The following SLX4IP variants were observed in gnomAD, a reference collection of about 807,000 sequenced individuals.
The protein encoded by SLX4IP is protein SLX4IP.
In SLX4IP, 34 loss-of-function variants were observed where a neutral mutation model predicts 32.9. That is an observed-to-expected ratio of 1.03 (90% CI 0.79 to 1.38). The LOEUF is 1.38. Among genes scored for constraint, SLX4IP ranks in the 40% most tolerant of loss-of-function variants. The pLI is 0.00. For missense variants in SLX4IP, 444 were observed against 479.0 expected (o/e 0.93, Z 0.68); for synonymous variants, 172 against 171.7 (o/e 1.00, Z -0.01).
rs565345072 is a variant in SLX4IP at position 10,498,986 on chromosome 20, T to C, written c.27+40755T>C. 9.9e-4 allele frequency among the ~76,000 whole-genome samples: 150 copies of C among 152,270 alleles called. 1 individual carries two copies. The highest frequency in any genetic ancestry group is 3.2e-3 in the African/African-American group (134 of 41,564). On this transcript the variant is annotated intron_variant, in intron 2 of 7. Coordinates refer to ENST00000334534, the MANE Select transcript of SLX4IP (RefSeq NM_001009608.3). Reference sequence around the variant, plus strand: ...TCACTGAGGATGATCACAACTAAAATATGTATATTTACATATGCTTTGGAT... The same window carrying C: ...TCACTGAGGATGATCACAACTAAAACATGTATATTTACATATGCTTTGGAT...
rs2067164185 is a variant in SLX4IP, at chr20:10,625,700, T to C, written c.*2321T>C. On this transcript the variant is annotated 3_prime_UTR_variant, in exon 8 of 8. Coordinates refer to ENST00000334534, the MANE Select transcript of SLX4IP (RefSeq NM_001009608.3). ...AGAGAAAAAATAGCACCTTTGGTTG[T>C]AGATAGATGTAGTTTTCCTCACAGC... is the stretch of plus-strand genomic sequence containing the variant. The C allele has an allele frequency of 6.6e-6, 1 of 152,194 alleles. No homozygotes were observed. The highest frequency in any genetic ancestry group is 2.4e-5 in the African/African-American group (1 of 41,440). 9.4% of individuals were successfully genotyped at this position (152,194 alleles called of 1,614,324 possible).
intron 1 of SLX4IP, among the ~76,000 whole-genome samples, chr20:10,438,824 G>A (rs2065137813): frequency 6.6e-6 from 1 of 151,478 alleles, no homozygotes; most frequent in Non-Finnish European, 1.5e-5. Context: ...TTTTTGGGGG[G>A]TACGGGTTAG....
At chr20:10,554,980 C>A (rs1356576397) in intron 2 of SLX4IP, among the ~76,000 whole-genome samples, 1 of 151,886 alleles carries the variant, frequency 6.6e-6, no homozygotes, top group East Asian at 1.9e-4. Context: ...CTATTTTTCT[C>A]AATATTTGGT....
intron 4 of SLX4IP, among the ~76,000 whole-genome samples, chr20:10,563,160 A>G (rs2066351134): frequency 1.3e-5 from 2 of 152,344 alleles, no homozygotes; most frequent in South Asian, 4.1e-4. Flanking sequence ...CCTGATGATT[A>G]ATAACGTTAA....
chr20:10,510,821 G>C (rs1338759594), intron 2 of SLX4IP, among the ~76,000 whole-genome samples: 2 of 152,106 alleles, frequency 1.3e-5, no homozygotes, highest in Non-Finnish European at 2.9e-5. Context: ...CGCCAGGATG[G>C]TCTCGATCTC....
At position 10,437,002 on chromosome 20, in the gene SLX4IP, A is replaced by G. The variant is rs551266031; in HGVS notation, c.-30+1549A>G. Reference sequence around the variant, plus strand: ...ATATTTGTACTTTTAATTTGTTAAAAGTTGAACTCAAAAGTTTGCATGTGG... The same window carrying G: ...ATATTTGTACTTTTAATTTGTTAAAGGTTGAACTCAAAAGTTTGCATGTGG... On this transcript the variant is annotated intron_variant, in intron 1 of 7. Coordinates refer to ENST00000334534, the MANE Select transcript of SLX4IP (RefSeq NM_001009608.3). 1.1e-4 allele frequency among the ~76,000 whole-genome samples: 16 copies of G among 152,100 alleles called. No individual in the cohort carries two copies. In the South Asian group the frequency reaches 1.2e-3, roughly 12 times the overall value.
At chr20:10,621,533 G>T in intron 7 of SLX4IP, 119 bp downstream of exon 7, 1 of 798,650 alleles carries the variant, frequency 1.3e-6, no homozygotes, top group Admixed American at 2.1e-5. Context: ...CCTCCGTCAC[G>T]TACTTACTCT....
rs1005941226 is a variant in SLX4IP, at chr20:10,625,407, A to G, written c.*2028A>G. 3 of 152,230 alleles carry G rather than the reference A, an allele frequency of 2.0e-5. No homozygotes were observed. The highest frequency in any genetic ancestry group is 7.2e-5 in the African/African-American group (3 of 41,462). The allele number at this position is 152,230 out of a possible 1,614,324, so 9.4% of individuals were successfully genotyped here. On this transcript the variant is annotated 3_prime_UTR_variant, in exon 8 of 8. Transcript: ENST00000334534. ...AACAGTAGCCACTGCCTGCTCCAGA[A>G]CTAGGGGGGAGATATTTGAGCTGGA...
chr20:10,536,222 T>C (rs929084218), intron 2 of SLX4IP, among the ~76,000 whole-genome samples: 1 of 152,194 alleles, frequency 6.6e-6, no homozygotes, highest in African/African-American at 2.4e-5. Context: ...GGAGAGAGGA[T>C]AACTTTAAAA....
rs766067547 is a variant in SLX4IP at position 10,556,290 on chromosome 20, T to C, written c.87T>C (p.Asp29=). The C allele has an allele frequency of 6.2e-7, 1 of 1,613,498 alleles. No individual in the cohort carries two copies. ...TCTTGCCACAAGGTTCAAACAAAGA[T>C]ACAAGCTGGTTTTCTGAACAGAAGA... ...LHILPQGSNK[D]TSWFSEQKKE... The change falls in exon 3 of 8, where the codon GAT becomes GAC. Residue 29 remains aspartate (D), a synonymous_variant. Transcript: ENST00000334534.
chr20:10,627,411 A>C lies in SLX4IP; in HGVS notation c.*4032A>C, dbSNP rs866326920. The C allele has an allele frequency of 2.6e-5, 4 of 152,364 alleles. 1 individual carries two copies. In the South Asian group the frequency reaches 8.3e-4, roughly 32 times the overall value. The allele number at this position is 152,364 out of a possible 1,614,324, so 9.4% of individuals were successfully genotyped here. A position where few individuals can be genotyped will look rare whatever the true frequency, so the allele number is the denominator to read the frequency against. On this transcript the variant is annotated 3_prime_UTR_variant, in exon 8 of 8. Coordinates refer to ENST00000334534, the MANE Select transcript of SLX4IP (RefSeq NM_001009608.3). ...AGTACAAAATAAATTAAGCATTGTA[A>C]AACGAAGTTAATTCAGGTAATTACT...
chr20:10,489,209 C>A (rs1012213109), intron 2 of SLX4IP, among the ~76,000 whole-genome samples: 15 of 152,144 alleles, frequency 9.9e-5, no homozygotes, highest in Non-Finnish European at 4.4e-5. Flanking sequence ...TGTATGGGGT[C>A]ATTCTTCTTA....
At chr20:10,464,161 AG>A (rs2065361598) in intron 2 of SLX4IP, among the ~76,000 whole-genome samples, 1 of 152,096 alleles carries the variant, frequency 6.6e-6, no homozygotes, top group African/African-American at 2.4e-5. Context: ...GGGCTGGATG[AG>A]GCAGAAGAGG....
chr20:10,537,411 T>C (rs2066057471), intron 2 of SLX4IP, among the ~76,000 whole-genome samples: 1 of 152,248 alleles, frequency 6.6e-6, no homozygotes, highest in South Asian at 2.1e-4. Flanking sequence ...ATGGAACCCG[T>C]AATGAATACT....
At chr20:10,451,769 A>C (rs1183214062) in intron 1 of SLX4IP, among the ~76,000 whole-genome samples, 9 of 151,246 alleles carry the variant, frequency 6.0e-5, no homozygotes, top group African/African-American at 1.9e-4. Flanking sequence ...GAGTTCGAGA[A>C]CAGCTTGGCC....
intron 1 of SLX4IP, among the ~76,000 whole-genome samples, chr20:10,444,374 G>T (rs2065183706): frequency 6.6e-6 from 1 of 152,084 alleles, no homozygotes; most frequent in Admixed American, 6.6e-5. Context: ...CTGGTGAGGG[G>T]TTTCTTTCTT....
chr20:10,502,893 G>T (rs965333671), intron 2 of SLX4IP, among the ~76,000 whole-genome samples: 3 of 152,076 alleles, frequency 2.0e-5, no homozygotes, highest in African/African-American at 7.2e-5. Flanking sequence ...CATAATAGGT[G>T]CTCAGTAAAT....
intron 1 of SLX4IP, among the ~76,000 whole-genome samples, chr20:10,450,133 A>C (rs1400183719): frequency 6.6e-6 from 1 of 152,212 alleles, no homozygotes; most frequent in Non-Finnish European, 1.5e-5. Flanking sequence ...TCTGTCCTTC[A>C]GGAAAAAAAG....
intron 1 of SLX4IP, among the ~76,000 whole-genome samples, chr20:10,448,132 A>T (rs1441145950): frequency 1.3e-5 from 2 of 151,934 alleles, no homozygotes; most frequent in African/African-American, 4.8e-5. Flanking sequence ...TTGCTTTTAG[A>T]TTATTGCTTC....
Sources: allele counts gnomAD v4.1 joint callset (sites outside exome capture counted in the v4.1 genomes callset), GRCh38; gene constraint gnomAD v4.1.1; transcripts MANE v1.5; gene names NCBI Gene and HGNC (gene_info 2026-07-23, HGNC 2026-07-21).